Variants in SMARCE1 observed in about 807,000 individuals in gnomAD.
SMARCE1 encodes the protein SWI/SNF-related matrix-associated actin-dependent regulator of chromatin subfamily E member 1.
Under a neutral mutation model 54.9 loss-of-function variants are expected in SMARCE1, and 13 were observed. The ratio of observed to expected loss-of-function variants is 0.24; its 90% CI spans 0.15 to 0.38. SMARCE1 has a LOEUF of 0.38. Among genes scored for constraint, SMARCE1 ranks in the 10% least tolerant of loss-of-function variants. The pLI, the probability that SMARCE1 is intolerant of heterozygous loss-of-function variation, is 1.00. For missense variants in SMARCE1, 295 were observed against 523.8 expected, an observed-to-expected ratio of 0.56 and a Z score of 4.26; for synonymous variants, 151 against 175.3, an observed-to-expected ratio of 0.86 and a Z score of 1.10.
At chr17:40,637,160 A>G in intron 5 of SMARCE1, 1 of 243,712 alleles carries the variant, frequency 4.1e-6, no homozygotes, top group Non-Finnish European at 8.1e-6. Context: ...TATTATTTTT[A>G]TAAAAATGAG....
In SMARCE1 at chr17:40,645,820, T is replaced by G; in HGVS notation, c.-18A>C. 1 of 1,117,420 alleles carries G rather than the reference T, an allele frequency of 8.9e-7. No homozygotes were observed. The highest frequency in any genetic ancestry group is 1.2e-6 in the Non-Finnish European group (1 of 825,170). 69.2% of individuals were successfully genotyped at this position (1,117,420 alleles called of 1,614,324 possible). A position where few individuals can be genotyped will look rare whatever the true frequency, so the allele number is the denominator to read the frequency against. On this transcript the variant is annotated 5_prime_UTR_variant, in exon 2 of 11. Transcript: ENST00000348513. ...CTTGACATTTTGGAAGATTAAGTTC[T>G]CAGTTCCTTAAGAATGAATCTGAGA...
At chr17:40,639,016 C>T (rs556355618) in intron 4 of SMARCE1, among the ~76,000 whole-genome samples, 5 of 152,302 alleles carry the variant, frequency 3.3e-5, no homozygotes, top group Non-Finnish European at 7.4e-5. Context: ...CAAAGCATTT[C>T]GCCTTGGAAG....
In SMARCE1 at chr17:40,632,337, G is replaced by A; in HGVS notation, c.572C>T (p.Thr191Ile). Residue 191 changes from threonine (T) to isoleucine (I), a missense_variant, in exon 8 of 11, where the codon ACA becomes ATA. By Grantham distance (89) the Thr-to-Ile change is moderately conservative. Coordinates refer to ENST00000348513, the MANE Select transcript of SMARCE1 (RefSeq NM_003079.5). ...GTTTCTCTGGAAACGGGCGGTGGCT[G>A]TATGCTTCATTGAAAAGCCATCATC... Reference protein sequence around the residue: ...DYDDGFSMKHTATARFQRNHR... With the variant: ...DYDDGFSMKHIATARFQRNHR... The A allele has an allele frequency of 6.2e-7, 1 of 1,613,886 alleles. No homozygotes were observed. Among genetic ancestry groups the A allele is most frequent in the Non-Finnish European group, 8.5e-7 (1 of 1,179,848 alleles).
intron 9 of SMARCE1, 183 bp from the exon 10 acceptor site, chr17:40,631,107 A>C: frequency 1.8e-6 from 1 of 566,504 alleles, no homozygotes; most frequent in Non-Finnish European, 3.1e-6. Flanking sequence ...TTGGGTCTAC[A>C]AGAAAAAACA....
At chr17:40,636,844 A>T (rs1337043525) in intron 5 of SMARCE1, 1 of 192,636 alleles carries the variant, frequency 5.2e-6, no homozygotes, top group Non-Finnish European at 1.1e-5. Flanking sequence ...TACGTCTCTA[A>T]AAGTTCATGT....
Position 40,637,592 on chromosome 17 carries a change from A to C in SMARCE1, c.157-20T>G, listed in dbSNP as rs922916196. The C allele has an allele frequency of 6.3e-7, 1 of 1,585,522 alleles. No homozygotes were observed. The highest frequency in any genetic ancestry group is 8.7e-7 in the Non-Finnish European group (1 of 1,154,378). ...GGATGCCTACGAAAGAGTTAAATAC[A>C]TTCATTATTCAACTGTAAGGAGTTC... On this transcript the variant is annotated intron_variant, in intron 4 of 10. Transcript: ENST00000348513.
chr17:40,629,656 G>C (rs1392291888), intron 10 of SMARCE1: 1 of 464,080 alleles, frequency 2.2e-6, no homozygotes, highest in Non-Finnish European at 3.5e-6. Context: ...GACAGAATCT[G>C]AGTAAAGACC....
Position 40,628,802 on chromosome 17 carries a change from C to T in SMARCE1, c.1219G>A (p.Asp407Asn), listed in dbSNP as rs139178605. 2 of 1,612,714 alleles carry T rather than the reference C, an allele frequency of 1.2e-6. No individual in the cohort carries two copies. Among genetic ancestry groups the T allele is most frequent in the Non-Finnish European group, 1.7e-6 (2 of 1,179,152 alleles). Reference protein sequence around the residue: ...EEPPTDPIPEDEKKE With the variant: ...EEPPTDPIPENEKKE ...GGCAACACTTATTCTTTTTTCTCAT[C>T]TTCTGGTATGGGATCTGTTGGTGGC... Residue 407 changes from aspartate (D) to asparagine (N), a missense_variant, in exon 11 of 11, where the codon GAT (aspartate) becomes AAT (asparagine). By Grantham distance (23) the Asp-to-Asn change is conservative (BLOSUM62 1). Transcript: ENST00000348513.
Position 40,635,971 on chromosome 17 carries a change from T to C in SMARCE1, c.501A>G (p.Gly167=), listed in dbSNP as rs759123413. The change falls in exon 7 of 11, where the codon GGA becomes GGG. Residue 167 remains glycine (G), a synonymous_variant. Coordinates refer to ENST00000348513, the MANE Select transcript of SMARCE1 (RefSeq NM_003079.5). ...SRQRQSRMEK[G]EPYMSIQPAE... ...CAGGCTGAATGCTCATGTACGGTTC[T>C]CCTTTCTCCATGCGAGATTGTCTCT... 6.2e-7 allele frequency: 1 copy of C among 1,612,706 alleles called. No homozygotes were observed. The highest frequency in any genetic ancestry group is 8.5e-7 in the Non-Finnish European group (1 of 1,179,540).
rs2037026560 is a variant in SMARCE1 at position 40,625,540 on chromosome 17, T to C, written c.*3245A>G. 6.6e-6 allele frequency: 1 copy of C among 150,998 alleles called. No individual in the cohort carries two copies. The allele number at this position is 150,998 out of a possible 1,614,324, so 9.4% of individuals were successfully genotyped here. ...GGGTGGAGGGAAACTATTTCTGAAATGAGGACTTAAAGTATAATACCAGCT... is the reference window on the plus strand; with the variant it reads ...GGGTGGAGGGAAACTATTTCTGAAACGAGGACTTAAAGTATAATACCAGCT... On this transcript the variant is annotated 3_prime_UTR_variant, in exon 11 of 11. Coordinates refer to ENST00000348513, the MANE Select transcript of SMARCE1 (RefSeq NM_003079.5).
Position 40,629,008 on chromosome 17 carries a change from TTGTCAC to T in SMARCE1, c.1028-21_1028-16del. On this transcript the variant is annotated splice_polypyrimidine_tract_variant and intron_variant, in intron 10 of 10. Transcript: ENST00000348513. ...GTGTGTCTCCTCTGTAATCACACATTTGTCACTGTCAGTTCCAAGATGAAATTTTAC... is the reference window on the plus strand; with the variant it reads ...GTGTGTCTCCTCTGTAATCACACATTTGTCAGTTCCAAGATGAAATTTTAC... 6.2e-7 allele frequency: 1 copy of T among 1,606,516 alleles called. No homozygotes were observed. Among genetic ancestry groups the T allele is most frequent in the Non-Finnish European group, 8.5e-7 (1 of 1,173,330 alleles).
chr17:40,630,273 C>G, intron 10 of SMARCE1: 1 of 1,532,348 alleles, frequency 6.5e-7, no homozygotes, highest in Non-Finnish European at 8.9e-7. Context: ...TAGGACAGAG[C>G]TGGCAATTTT....
chr17:40,631,545 G>A lies in SMARCE1; in HGVS notation c.816+47C>T, dbSNP rs1408220566. 3 of 929,858 alleles carry A rather than the reference G, an allele frequency of 3.2e-6. No individual in the cohort carries two copies. The African/African-American group carries it at 5.0e-5, about 15-fold the overall frequency. The allele number at this position is 929,858 out of a possible 1,614,324, so 57.6% of individuals were successfully genotyped here. A position where few individuals can be genotyped will look rare whatever the true frequency, so the allele number is the denominator to read the frequency against. Reference sequence around the variant, plus strand: ...GGAAAAAAGAATGAGGAAAAATAAAGTAACAGGTATAGTGATAAAAGTATA... The same window carrying A: ...GGAAAAAAGAATGAGGAAAAATAAAATAACAGGTATAGTGATAAAAGTATA... On this transcript the variant is annotated intron_variant, in intron 9 of 10. Coordinates refer to ENST00000348513, the MANE Select transcript of SMARCE1 (RefSeq NM_003079.5).
At chr17:40,636,593 T>A in intron 5 of SMARCE1, 67 bp from the exon 6 acceptor site, 1 of 1,304,780 alleles carries the variant, frequency 7.7e-7, no homozygotes, top group South Asian at 1.3e-5. Context: ...AAAATAGTTT[T>A]TAATGTGGAA....
intron 3 of SMARCE1, chr17:40,644,738 A>G (rs1053253033): frequency 9.8e-5 from 15 of 152,312 alleles, no homozygotes; most frequent in African/African-American, 3.4e-4. Flanking sequence ...CCTAATTAGT[A>G]GTGAAAAGTA....
At chr17:40,629,428 G>A (rs991127466) in intron 10 of SMARCE1, 7 of 708,612 alleles carry the variant, frequency 9.9e-6, no homozygotes, top group East Asian at 3.3e-5. Context: ...AAAATTTCAC[G>A]TGACTTGCAT....
At chr17:40,630,512 T>G in intron 10 of SMARCE1, 1 of 629,880 alleles carries the variant, frequency 1.6e-6, no homozygotes, top group Non-Finnish European at 2.9e-6. Context: ...CAATTAATCT[T>G]AACGGTAATA....
At chr17:40,633,740 T>C (rs971032983) in intron 7 of SMARCE1, 6 of 152,254 alleles carry the variant, frequency 3.9e-5, no homozygotes, top group African/African-American at 1.2e-4. Context: ...TTTTGAGTAA[T>C]TTCTTTAGGA....
At chr17:40,634,408 C>A (rs78736194) in intron 7 of SMARCE1, 6,924 of 152,468 alleles carry the variant, frequency 0.045, 207 homozygotes, top group Middle Eastern at 0.19. Context: ...ATTGGGATTA[C>A]AGGCGTGAGC....
Sources: allele counts gnomAD v4.1 joint callset (sites outside exome capture counted in the v4.1 genomes callset), GRCh38; gene constraint gnomAD v4.1.1; transcripts MANE v1.5; gene names NCBI Gene and HGNC (gene_info 2026-07-23, HGNC 2026-07-21).